Variants in CDIN1 observed in about 807,000 individuals in gnomAD.
CDIN1 encodes CDAN1 interacting nuclease 1, also known as CDAN1-interacting nuclease 1.
Under a neutral mutation model 45.3 loss-of-function variants are expected in CDIN1, and 33 were observed. That is an observed-to-expected ratio of 0.73 (90% CI 0.55 to 0.97). CDIN1 has a LOEUF of 0.97. Among genes scored for constraint, CDIN1 ranks in the 50% least tolerant of loss-of-function variants. The pLI, the probability that CDIN1 is intolerant of heterozygous loss-of-function variation, is 0.00. For synonymous variants in CDIN1, 118 were observed against 124.4 expected (o/e 0.95, Z 0.34); for missense variants, 303 against 339.4 (o/e 0.89, Z 0.84).
At chr15:36,760,508 A>C (rs112680891) in intron 10 of CDIN1, among the ~76,000 whole-genome samples, 109 of 152,340 alleles carry the variant, frequency 7.2e-4, no homozygotes, top group African/African-American at 2.4e-3. Flanking sequence ...TCTACCATCC[A>C]GTTCTTAGGA....
rs144533313 is a variant in CDIN1, at chr15:36,604,418, TACACACACACACACACACACACAC to T, written c.101+24473_101+24496del. On this transcript the variant is annotated intron_variant, in intron 1 of 10. Coordinates refer to ENST00000566621, the MANE Select transcript of CDIN1 (RefSeq NM_001321759.2). ...ATGTTCTTCTATGACTTTTAAAAGGTACACACACACACACACACACACACACACACACACACACATTTTAGAGTA... is the reference window on the plus strand; with the variant it reads ...ATGTTCTTCTATGACTTTTAAAAGGTACACACACACACACATTTTAGAGTA... Among the ~76,000 whole-genome samples, 13 of 128,858 alleles carry T rather than the reference TACACACACACACACACACACACAC, an allele frequency of 1.0e-4. No individual in the cohort carries two copies. The East Asian group carries it at 3.2e-3, about 32-fold the overall frequency. The allele number at this position is 128,858 out of a possible 152,430, so 84.5% of individuals were successfully genotyped here.
Position 36,619,473 on chromosome 15 carries a change from A to ATCTATCTG in CDIN1, c.102-24798_102-24797insGTCTATCT, listed in dbSNP as rs140800998. On this transcript the variant is annotated intron_variant, in intron 1 of 10. Coordinates refer to ENST00000566621, the MANE Select transcript of CDIN1 (RefSeq NM_001321759.2). ...GATTTATAAATGCTGGAGGATTTCTATCTATCTATCTATCTATCTATCTAT... is the reference window on the plus strand; with the variant it reads ...GATTTATAAATGCTGGAGGATTTCTATCTATCTGTCTATCTATCTATCTATCTATCTAT... Among the ~76,000 whole-genome samples the ATCTATCTG allele has an allele frequency of 1.4e-3, 56 of 39,864 alleles. 1 individual carries two copies. The highest frequency in any genetic ancestry group is 5.4e-3 in the African/African-American group (54 of 10,010). 26.2% of individuals were successfully genotyped at this position (39,864 alleles called of 152,430 possible).
In CDIN1 at chr15:36,692,293, A is replaced by T; in HGVS notation, c.476+118A>T. ...CACAAAACACATTTCATACTCTTCT[A>T]TTTTACATTCAATCAACTGGAGGGT... is the stretch of plus-strand genomic sequence containing the variant. On this transcript the variant is annotated intron_variant, in intron 7 of 10. Transcript: ENST00000566621. 3.3e-6 allele frequency: 3 copies of T among 920,604 alleles called. No homozygotes were observed. The South Asian group carries it at 5.2e-5, about 16-fold the overall frequency. The allele number at this position is 920,604 out of a possible 1,614,324, so 57.0% of individuals were successfully genotyped here. A position where few individuals can be genotyped will look rare whatever the true frequency, so the allele number is the denominator to read the frequency against.
At chr15:36,701,118 GTAGGTAGATAGA>G (rs1233596305) in intron 8 of CDIN1, among the ~76,000 whole-genome samples, 7,896 of 107,050 alleles carry the variant, frequency 0.074, 342 homozygotes, top group East Asian at 0.19. Flanking sequence ...AGATAGATAG[GTAGGTAGATAGA>G]TAGATAGATA....
intron 10 of CDIN1, among the ~76,000 whole-genome samples, chr15:36,738,145 G>A (rs1221083563): frequency 6.6e-6 from 1 of 151,888 alleles, no homozygotes; most frequent in Admixed American, 6.6e-5. Context: ...TTGGCTTGGC[G>A]ATTTCATCTA....
chr15:36,783,080 T>G lies in CDIN1; in HGVS notation c.717-25244T>G, dbSNP rs138106251. Among the ~76,000 whole-genome samples, 460 of 152,214 alleles carry G rather than the reference T, an allele frequency of 3.0e-3. 1 individual carries two copies. Among genetic ancestry groups the G allele is most frequent in the Admixed American group, 4.3e-3 (65 of 15,292 alleles). On this transcript the variant is annotated intron_variant, in intron 10 of 10. Coordinates refer to ENST00000566621, the MANE Select transcript of CDIN1 (RefSeq NM_001321759.2). ...AAAATCTCTCCTCGGGTACTCAGAG[T>G]ATTACAACATCAATGACCTGTCAGC...
intron 5 of CDIN1, among the ~76,000 whole-genome samples, chr15:36,665,720 A>G (rs1420836287): frequency 6.6e-6 from 1 of 152,156 alleles, no homozygotes; most frequent in African/African-American, 2.4e-5. Flanking sequence ...TCTTAAGAAG[A>G]CTATGGAAGT....
intron 1 of CDIN1, among the ~76,000 whole-genome samples, chr15:36,580,462 A>G (rs927525710): frequency 6.6e-6 from 1 of 152,222 alleles, no homozygotes; most frequent in African/African-American, 2.4e-5. Context: ...AGGGTTCTCA[A>G]TCCAATCAGA....
At chr15:36,762,589 A>G (rs1191566835) in intron 10 of CDIN1, among the ~76,000 whole-genome samples, 1 of 152,024 alleles carries the variant, frequency 6.6e-6, no homozygotes, top group East Asian at 1.9e-4. Context: ...GGTGTGCTGC[A>G]CCCATTAACT....
intron 5 of CDIN1, among the ~76,000 whole-genome samples, chr15:36,688,415 G>T (rs1262888394): frequency 6.6e-6 from 1 of 152,154 alleles, no homozygotes; most frequent in Non-Finnish European, 1.5e-5. Flanking sequence ...CTTAGGCATT[G>T]TGCCTTAGTC....
intron 1 of CDIN1, among the ~76,000 whole-genome samples, chr15:36,583,489 C>T (rs955595987): frequency 1.3e-5 from 2 of 152,266 alleles, no homozygotes; most frequent in African/African-American, 4.8e-5. Flanking sequence ...AGGAGTAGGA[C>T]TTTGTGATCT....
intron 10 of CDIN1, among the ~76,000 whole-genome samples, chr15:36,724,945 A>G (rs1595522815): frequency 6.6e-6 from 1 of 152,112 alleles, no homozygotes; most frequent in African/African-American, 2.4e-5. Context: ...GCTTTTAACA[A>G]TCACACTTGA....
At chr15:36,659,967 T>TTC (rs1555390755) in intron 5 of CDIN1, among the ~76,000 whole-genome samples, 1 of 1,622 alleles carries the variant, frequency 6.2e-4, no homozygotes, top group African/African-American at 2.9e-3. Context: ...CTTCCTTTTC[T>TTC]TTTTTTTTTT....
At chr15:36,796,460 C>A (rs1222316759) in intron 10 of CDIN1, among the ~76,000 whole-genome samples, 1 of 152,124 alleles carries the variant, frequency 6.6e-6, no homozygotes, top group Non-Finnish European at 1.5e-5. Flanking sequence ...ATTACAAAGC[C>A]CAGAACTGCA....
At chr15:36,649,931 G>A (rs2040504531) in intron 3 of CDIN1, among the ~76,000 whole-genome samples, 1 of 152,096 alleles carries the variant, frequency 6.6e-6, no homozygotes, top group South Asian at 2.1e-4. Context: ...TTGTAAATGG[G>A]GCATAATGAG....
At chr15:36,734,691 G>A (rs954564251) in intron 10 of CDIN1, among the ~76,000 whole-genome samples, 1 of 152,094 alleles carries the variant, frequency 6.6e-6, no homozygotes, top group Non-Finnish European at 1.5e-5. Context: ...TGTTTAAATT[G>A]TCTTTGTTTT....
intron 8 of CDIN1, chr15:36,702,098 G>C: frequency 1.4e-6 from 1 of 702,260 alleles, no homozygotes; most frequent in Non-Finnish European, 2.6e-6. Context: ...CAGAGAGTAA[G>C]AGACCAGAAA....
intron 10 of CDIN1, among the ~76,000 whole-genome samples, chr15:36,783,261 A>G (rs1175554962): frequency 2.0e-5 from 3 of 152,236 alleles, no homozygotes; most frequent in Non-Finnish European, 4.4e-5. Flanking sequence ...AAAGATGATT[A>G]AGGCGGTCCC....
At chr15:36,690,918 T>C (rs1443526612) in intron 5 of CDIN1, among the ~76,000 whole-genome samples, 1 of 152,164 alleles carries the variant, frequency 6.6e-6, no homozygotes, top group African/African-American at 2.4e-5. Context: ...CCTACCTTGC[T>C]TTCCAAAGGA....
Sources: gnomAD v4.1 joint callset for allele counts (sites outside exome capture counted in the v4.1 genomes callset) on GRCh38, gnomAD v4.1.1 for gene constraint, MANE v1.5 for transcripts, NCBI Gene and HGNC (gene_info 2026-07-23, HGNC 2026-07-21) for gene names.